The following SMIM17 variants were observed in gnomAD, a reference collection of about 807,000 sequenced individuals.
The protein encoded by SMIM17 is small integral membrane protein 17.
A neutral mutation model predicts 12.2 loss-of-function variants in SMIM17; 10 were observed. That is an observed-to-expected ratio of 0.82 (90% CI 0.50 to 1.39). The LOEUF (loss-of-function observed/expected upper bound fraction) is 1.39. SMIM17 is among the 40% of genes most tolerant of loss of function. SMIM17 has a pLI of 0.00. For missense variants in SMIM17, 136 were observed against 118.2 expected (o/e 1.15, Z -0.70); for synonymous variants, 50 against 44.1 (o/e 1.13, Z -0.53).
At position 56,645,591 on chromosome 19, in the gene SMIM17, C is replaced by A; in HGVS notation, c.-77C>A. 2 of 1,350,886 alleles carry A rather than the reference C, an allele frequency of 1.5e-6. No individual in the cohort carries two copies. Among genetic ancestry groups the A allele is most frequent in the South Asian group, 3.2e-5 (2 of 62,030 alleles). The allele number at this position is 1,350,886 out of a possible 1,614,324, so 83.7% of individuals were successfully genotyped here. On this transcript the variant is annotated 5_prime_UTR_variant, in exon 2 of 4. It adds an upstream start codon to the 5' untranslated region. Coordinates refer to ENST00000598409, the MANE Select transcript of SMIM17 (RefSeq NM_001193628.2). Reference sequence around the variant, plus strand: ...AGTCCTCAGGTTCTGAATCTTGTGCCTGGAGAACCAGAGAGGACCCTGGAG... The same window carrying A: ...AGTCCTCAGGTTCTGAATCTTGTGCATGGAGAACCAGAGAGGACCCTGGAG...
At position 56,655,455 on chromosome 19, in the gene SMIM17, G is replaced by A; in HGVS notation, c.*242G>A. On this transcript the variant is annotated 3_prime_UTR_variant, in exon 4 of 4. Coordinates refer to ENST00000598409, the MANE Select transcript of SMIM17 (RefSeq NM_001193628.2). Reference sequence around the variant, plus strand: ...TTTTGTATACCACGGAGAAAGAAAAGTGCTAATTAATCATTAAGATGCCAC... The same window carrying A: ...TTTTGTATACCACGGAGAAAGAAAAATGCTAATTAATCATTAAGATGCCAC... 2.4e-6 allele frequency: 1 copy of A among 414,854 alleles called. No individual in the cohort carries two copies. The allele number at this position is 414,854 out of a possible 1,614,324, so 25.7% of individuals were successfully genotyped here. A position where few individuals can be genotyped will look rare whatever the true frequency, so the allele number is the denominator to read the frequency against.
chr19:56,643,792 G>T (rs998857635), intron 1 of SMIM17, among the ~76,000 whole-genome samples: 5 of 152,228 alleles, frequency 3.3e-5, no homozygotes, highest in Admixed American at 2.6e-4. Flanking sequence ...AATAGTATCT[G>T]TAGCGAGAAG....
intron 1 of SMIM17, among the ~76,000 whole-genome samples, chr19:56,644,069 C>A (rs933968719): frequency 6.6e-6 from 1 of 152,018 alleles, no homozygotes; most frequent in African/African-American, 2.4e-5. Context: ...CCATTCACTG[C>A]GGATCCAGCT....
chr19:56,648,076 TCCATCCATC>T (rs2045078966), intron 3 of SMIM17, among the ~76,000 whole-genome samples: 1 of 150,150 alleles, frequency 6.7e-6, no homozygotes, highest in African/African-American at 2.5e-5. Context: ...CATCCATCCA[TCCATCCATC>T]CATCCATCCA....
chr19:56,646,065 C>T (rs2045061074), intron 2 of SMIM17, among the ~76,000 whole-genome samples: 1 of 152,192 alleles, frequency 6.6e-6, no homozygotes, highest in Non-Finnish European at 1.5e-5. Flanking sequence ...GACCTGGCTT[C>T]AGGGGACACT....
chr19:56,646,846 C>T (rs1035529366), intron 2 of SMIM17, among the ~76,000 whole-genome samples: 1 of 152,162 alleles, frequency 6.6e-6, no homozygotes, highest in Non-Finnish European at 1.5e-5. Flanking sequence ...TTGCCGACAT[C>T]TCAATGACAC....
chr19:56,646,089 C>A (rs2045061263), intron 2 of SMIM17, among the ~76,000 whole-genome samples: 1 of 152,142 alleles, frequency 6.6e-6, no homozygotes, highest in African/African-American at 2.4e-5. Flanking sequence ...CCTGCCTGTG[C>A]TTGTCTGTGC....
Position 56,646,024 on chromosome 19 carries a change from A to G in SMIM17, c.169+188A>G, listed in dbSNP as rs559018789. On this transcript the variant is annotated intron_variant, in intron 2 of 3. Transcript: ENST00000598409. ...TAGGGGCTTAAAGCAACAATCACTT[A>G]TCAGCTCATGATTCTGTGGGTCAGA... is the stretch of plus-strand genomic sequence containing the variant. Among the ~76,000 whole-genome samples, 15 of 152,362 alleles carry G rather than the reference A, an allele frequency of 9.8e-5. No homozygotes were observed. The South Asian group carries it at 2.9e-3, about 29-fold the overall frequency.
In SMIM17 at chr19:56,656,012, C is replaced by T. The variant is rs1233257265; in HGVS notation, c.*799C>T. Among the ~76,000 whole-genome samples, 2 of 145,546 alleles carry T rather than the reference C, an allele frequency of 1.4e-5. No individual in the cohort carries two copies. Among genetic ancestry groups the T allele is most frequent in the Non-Finnish European group, 3.0e-5 (2 of 67,166 alleles). On this transcript the variant is annotated 3_prime_UTR_variant, in exon 4 of 4. Transcript: ENST00000598409. ...TGTCACCCAGTCTGGAGTGCAGTGG[C>T]GCCATCTCGGCTCACTGTAAGCAGA...
chr19:56,649,431 G>A lies in SMIM17; in HGVS notation c.246+1797G>A, dbSNP rs563768234. Among the ~76,000 whole-genome samples the A allele has an allele frequency of 6.6e-5, 10 of 152,252 alleles. No homozygotes were observed. The South Asian group carries it at 1.9e-3, about 28-fold the overall frequency. On this transcript the variant is annotated intron_variant, in intron 3 of 3. Transcript: ENST00000598409. ...CTCACAGTCACCGAGGTAGACAGAC[G>A]ACAATTGAAATAAGCAGCTAAAATA...
chr19:56,646,120 G>T (rs559387829), intron 2 of SMIM17, among the ~76,000 whole-genome samples: 32 of 152,280 alleles, frequency 2.1e-4, no homozygotes, highest in African/African-American at 6.3e-4. Flanking sequence ...AGCTGGTGAG[G>T]CCACTGGTCG....
At chr19:56,647,463 T>C in intron 2 of SMIM17, 95 bp from the exon 3 acceptor site, 1 of 808,972 alleles carries the variant, frequency 1.2e-6, no homozygotes, top group South Asian at 1.7e-5. Context: ...AGGCTATTAC[T>C]AGAAAAGGGA....
rs754103319 is a variant in SMIM17 at position 56,655,379 on chromosome 19, T to C, written c.*166T>C. ...TTTAAAAAATTTTTGGTGTGAGTTTTCACATACTTTATTTCCATGAAATGA... is the reference window on the plus strand; with the variant it reads ...TTTAAAAAATTTTTGGTGTGAGTTTCCACATACTTTATTTCCATGAAATGA... On this transcript the variant is annotated 3_prime_UTR_variant, in exon 4 of 4. Transcript: ENST00000598409. 18 of 496,316 alleles carry C rather than the reference T, an allele frequency of 3.6e-5. No homozygotes were observed. The highest frequency in any genetic ancestry group is 2.1e-4 in the Admixed American group (6 of 28,108). 30.7% of individuals were successfully genotyped at this position (496,316 alleles called of 1,614,324 possible).
intron 3 of SMIM17, among the ~76,000 whole-genome samples, chr19:56,648,520 C>G (rs1468873154): frequency 2.6e-5 from 4 of 152,168 alleles, no homozygotes; most frequent in Non-Finnish European, 5.9e-5. Context: ...TATCCATCCC[C>G]TATCCACTCA....
intron 3 of SMIM17, among the ~76,000 whole-genome samples, chr19:56,654,496 A>C (rs2045133617): frequency 6.6e-6 from 1 of 152,234 alleles, no homozygotes; most frequent in African/African-American, 2.4e-5. Flanking sequence ...GGGTGGTGGT[A>C]GTGAAGGGAA....
rs1263156170 is a variant in SMIM17 at position 56,656,954 on chromosome 19, T to C, written c.*1741T>C. Among the ~76,000 whole-genome samples the C allele has an allele frequency of 6.6e-6, 1 of 152,252 alleles. No individual in the cohort carries two copies. Among genetic ancestry groups the C allele is most frequent in the Non-Finnish European group, 1.5e-5 (1 of 68,040 alleles). On this transcript the variant is annotated 3_prime_UTR_variant, in exon 4 of 4. Coordinates refer to ENST00000598409, the MANE Select transcript of SMIM17 (RefSeq NM_001193628.2). ...TCTGTCTGTAGAACTGAAAACTTTA[T>C]GTGCCTGTTAGTTAACTCAGTATCG...
intron 2 of SMIM17, among the ~76,000 whole-genome samples, chr19:56,647,060 G>A (rs1005316494): frequency 6.6e-5 from 10 of 152,064 alleles, no homozygotes; most frequent in African/African-American, 2.2e-4. Flanking sequence ...GGATGAGAAG[G>A]ACACTAAGGT....
intron 1 of SMIM17, among the ~76,000 whole-genome samples, chr19:56,643,995 C>T (rs1568516303): frequency 6.6e-6 from 1 of 152,072 alleles, no homozygotes; most frequent in East Asian, 1.9e-4. Context: ...AACACTGAGG[C>T]TGTGGGGTGT....
At chr19:56,651,225 A>G (rs2045106893) in intron 3 of SMIM17, among the ~76,000 whole-genome samples, 1 of 152,188 alleles carries the variant, frequency 6.6e-6, no homozygotes. Context: ...ACAGATGGGA[A>G]AACTAAGGCA....
Sources: gnomAD v4.1 joint callset for allele counts (sites outside exome capture counted in the v4.1 genomes callset) on GRCh38, gnomAD v4.1.1 for gene constraint, MANE v1.5 for transcripts, NCBI Gene and HGNC (gene_info 2026-07-23, HGNC 2026-07-21) for gene names.